The following NTM variants were observed in gnomAD, a reference collection of about 807,000 sequenced individuals.
NTM encodes neurotrimin.
In NTM, 13 loss-of-function variants were observed where a neutral mutation model predicts 42.1. The ratio of observed to expected loss-of-function variants is 0.31; its 90% confidence interval spans 0.20 to 0.49. The LOEUF is 0.49. Among genes scored for constraint, NTM ranks in the 20% least tolerant of loss-of-function variants. The pLI is 0.99. For synonymous variants in NTM, 187 were observed against 179.2 expected, an observed-to-expected ratio of 1.04 and a Z score of -0.35; for missense variants, 373 against 452.8, an observed-to-expected ratio of 0.82 and a Z score of 1.60.
intron 3 of NTM, among the ~76,000 whole-genome samples, chr11:132,197,066 A>C (rs192651091): frequency 6.6e-6 from 1 of 152,230 alleles, no homozygotes; most frequent in Non-Finnish European, 1.5e-5. Context: ...GTTAAGCCAC[A>C]GATGGGATGG....
chr11:132,007,775 A>G (rs1360386317), intron 2 of NTM, among the ~76,000 whole-genome samples: 2 of 152,192 alleles, frequency 1.3e-5, no homozygotes, highest in African/African-American at 4.8e-5. Flanking sequence ...ATAGAGTCCA[A>G]CAGAGCTGGA....
intron 4 of NTM, among the ~76,000 whole-genome samples, chr11:132,305,608 T>C (rs1025375770): frequency 3.9e-5 from 6 of 152,216 alleles, no homozygotes; most frequent in Non-Finnish European, 7.3e-5. Context: ...ACAGTAATTA[T>C]AGCATTCTGG....
chr11:131,743,161 A>G (rs1001001437), intron 1 of NTM, among the ~76,000 whole-genome samples: 1 of 152,184 alleles, frequency 6.6e-6, no homozygotes, highest in Admixed American at 6.5e-5. Flanking sequence ...ACCTGAACAC[A>G]AAGACTTAAC....
chr11:131,701,495 T>G (rs1481555799), intron 1 of NTM, among the ~76,000 whole-genome samples: 1 of 152,182 alleles, frequency 6.6e-6, no homozygotes, highest in Non-Finnish European at 1.5e-5. Flanking sequence ...AGCCACTCAA[T>G]GCATTTGTCA....
intron 1 of NTM, among the ~76,000 whole-genome samples, chr11:131,558,677 G>C (rs979421480): frequency 6.6e-6 from 1 of 152,174 alleles, no homozygotes; most frequent in Non-Finnish European, 1.5e-5. Flanking sequence ...GTATGCCTTG[G>C]CCTAAATAGT....
At chr11:131,834,090 T>G (rs2136578798) in intron 1 of NTM, among the ~76,000 whole-genome samples, 1 of 152,250 alleles carries the variant, frequency 6.6e-6, no homozygotes, top group Non-Finnish European at 1.5e-5. Flanking sequence ...TGATATCTTC[T>G]CTTTCGTTTG....
intron 1 of NTM, among the ~76,000 whole-genome samples, chr11:131,685,692 A>G (rs2073779506): frequency 6.6e-6 from 1 of 152,158 alleles, no homozygotes; most frequent in South Asian, 2.1e-4. Context: ...TTTTTAAAAA[A>G]ATCATTTTGC....
chr11:131,795,063 T>A, intron 1 of NTM: 1 of 756,588 alleles, frequency 1.3e-6, no homozygotes, highest in Non-Finnish European at 1.6e-6. Flanking sequence ...ACAGCACTAG[T>A]GATGTGGTCT....
chr11:131,774,103 CA>C (rs915920604), intron 1 of NTM: 1 of 985,060 alleles, frequency 1.0e-6, no homozygotes, highest in African/African-American at 1.7e-5. Flanking sequence ...AACCTTCCAC[CA>C]AGCTTACAGT....
intron 1 of NTM, chr11:131,536,728 A>G (rs417378): frequency 0.83 from 126,930 of 152,186 alleles, 53,352 homozygotes; most frequent in Non-Finnish European, 0.9. Context: ...TTTCTAGGAC[A>G]ACGCTAAATA....
At chr11:131,850,801 A>G (rs1179517692) in intron 1 of NTM, among the ~76,000 whole-genome samples, 2 of 152,218 alleles carry the variant, frequency 1.3e-5, no homozygotes, top group African/African-American at 4.8e-5. Context: ...AAACTGCAGC[A>G]TCTTTTTAAT....
intron 1 of NTM, among the ~76,000 whole-genome samples, chr11:131,546,224 A>C (rs2053925391): frequency 6.6e-6 from 1 of 152,170 alleles, no homozygotes; most frequent in South Asian, 2.1e-4. Flanking sequence ...CCTTCGCTTT[A>C]AAATAGGTTG....
chr11:131,405,558 A>G lies in NTM; in HGVS notation c.82+34670A>G, dbSNP rs113074185. ...TCCATATTTATTCACGTTTGCGCCA[A>G]TACCTTCATGAAAGGCACCTTGCCT... On this transcript the variant is annotated intron_variant, in intron 1 of 8. Transcript: ENST00000683400. Among the ~76,000 whole-genome samples the G allele has an allele frequency of 2.3e-3, 346 of 152,252 alleles. 2 individuals carry two copies. The highest frequency in any genetic ancestry group is 7.5e-3 in the African/African-American group (312 of 41,538).
At chr11:131,637,499 T>C (rs1243223661) in intron 1 of NTM, among the ~76,000 whole-genome samples, 1 of 151,576 alleles carries the variant, frequency 6.6e-6, no homozygotes, top group Non-Finnish European at 1.5e-5. Context: ...ACTGCCTAGG[T>C]GTGCACTACT....
At chr11:131,569,154 T>TTC (rs1281997163) in intron 1 of NTM, among the ~76,000 whole-genome samples, 1 of 151,844 alleles carries the variant, frequency 6.6e-6, no homozygotes, top group African/African-American at 2.4e-5. Context: ...TCATTTTTTT[T>TTC]TTTTTTTGAG....
At chr11:131,508,475 G>A (rs1325105043) in intron 1 of NTM, among the ~76,000 whole-genome samples, 13 of 142,670 alleles carry the variant, frequency 9.1e-5, no homozygotes, top group Non-Finnish European at 2.0e-4. Context: ...AAGTCAGTGT[G>A]GCGATTCCTC....
chr11:131,686,175 C>T (rs1210871421), intron 1 of NTM, among the ~76,000 whole-genome samples: 1 of 152,244 alleles, frequency 6.6e-6, no homozygotes, highest in Non-Finnish European at 1.5e-5. Flanking sequence ...GCTCACCATC[C>T]TGTCAGGAAC....
intron 4 of NTM, among the ~76,000 whole-genome samples, chr11:132,288,039 A>G (rs1222879096): frequency 6.6e-6 from 1 of 152,248 alleles, no homozygotes; most frequent in East Asian, 1.9e-4. Flanking sequence ...TGCTTTGTGA[A>G]AAATAATCTC....
intron 1 of NTM, among the ~76,000 whole-genome samples, chr11:131,556,594 G>T (rs1227338211): frequency 7.4e-6 from 1 of 135,246 alleles, no homozygotes; most frequent in Middle Eastern, 4.1e-3. Context: ...TTGAGGTGGA[G>T]TCTCACTCTG....
Sources: allele counts gnomAD v4.1 joint callset (sites outside exome capture counted in the v4.1 genomes callset), GRCh38; gene constraint gnomAD v4.1.1; transcripts MANE v1.5; gene names NCBI Gene and HGNC (gene_info 2026-07-23, HGNC 2026-07-21).